USP34: variants seen among roughly 807,000 people sequenced by gnomAD.
USP34 encodes ubiquitin specific peptidase 34.
In USP34, 70 loss-of-function variants were observed where a neutral mutation model predicts 460.3. That is an observed-to-expected ratio of 0.15 (90% CI 0.13 to 0.19). USP34 has a LOEUF of 0.19. Among genes scored for constraint, USP34 ranks in the 10% least tolerant of loss-of-function variants. The pLI, the probability that USP34 is intolerant of heterozygous loss-of-function variation, is 1.00. For missense variants in USP34, 3,985 were observed against 4,236.2 expected (o/e 0.94, Z 1.65); for synonymous variants, 1,647 against 1,405.3 (o/e 1.17, Z -3.85).
chr2:61,190,702 G>GA (rs999537494), intron 76 of USP34, 44 bp from the exon 77 acceptor site: 2 of 1,562,050 alleles, frequency 1.3e-6, no homozygotes, highest in South Asian at 1.2e-5. Flanking sequence ...GTTGAGCACG[G>GA]AAAAAACTTA....
Position 61,228,660 on chromosome 2 carries a change from T to A in USP34, c.7428A>T (p.Thr2476=). The A allele has an allele frequency of 6.2e-7, 1 of 1,611,804 alleles. No individual in the cohort carries two copies. The highest frequency in any genetic ancestry group is 1.1e-5 in the South Asian group (1 of 90,358). The change falls in exon 61 of 80, where the codon ACA becomes ACT. Residue 2476 remains threonine, a synonymous_variant. Transcript: ENST00000398571. ...ISTMVHFYMG[T]KGPENPQVEV... ...CTGTACTTACATTTTCAGGTCCTTT[T>A]GTTCCCATGTAAAAATGTACCATTG... is the stretch of plus-strand genomic sequence containing the variant.
At chr2:61,277,972 C>T in intron 41 of USP34, 193 bp downstream of exon 41, 2 of 673,184 alleles carry the variant, frequency 3.0e-6, no homozygotes, top group South Asian at 4.9e-5. Context: ...CTTGCCCGGA[C>T]TTGCCTTCCG....
rs189995019 is a variant in USP34 at position 61,286,987 on chromosome 2, T to A, written c.4749+1690A>T. On this transcript the variant is annotated intron_variant, in intron 34 of 79. Coordinates refer to ENST00000398571, the MANE Select transcript of USP34 (RefSeq NM_014709.4). ...GAGCATTATTATAACCTGGAAAGTT[T>A]ATTCTGAAAAAAACATGACCAAAAC... Among the ~76,000 whole-genome samples, 373 of 152,318 alleles carry A rather than the reference T, an allele frequency of 2.4e-3. 2 individuals carry two copies. The highest frequency in any genetic ancestry group is 4.2e-3 in the Non-Finnish European group (289 of 68,020).
At chr2:61,421,392 T>C (rs1316589908) in intron 1 of USP34, among the ~76,000 whole-genome samples, 1 of 152,212 alleles carries the variant, frequency 6.6e-6, no homozygotes, top group Non-Finnish European at 1.5e-5. Flanking sequence ...ATGAGGAAGC[T>C]TGAGAACATT....
chr2:61,319,129 G>C (rs780530611), intron 22 of USP34, 44 bp downstream of exon 22: 1 of 1,502,600 alleles, frequency 6.7e-7, no homozygotes, highest in East Asian at 2.5e-5. Context: ...AGATGAAAAA[G>C]GGAACATGGA....
At chr2:61,410,557 C>T (rs1216125317) in intron 2 of USP34, among the ~76,000 whole-genome samples, 1 of 152,108 alleles carries the variant, frequency 6.6e-6, no homozygotes, top group Non-Finnish European at 1.5e-5. Flanking sequence ...ATCCATAATG[C>T]AAGGCGGAAA....
chr2:61,398,512 A>G (rs2103913088), intron 3 of USP34, among the ~76,000 whole-genome samples: 1 of 121,770 alleles, frequency 8.2e-6, no homozygotes, highest in Non-Finnish European at 1.7e-5. Context: ...GAAGCAGGGG[A>G]AGGAGGCGGA....
chr2:61,441,690 G>A (rs1315554218), intron 1 of USP34, among the ~76,000 whole-genome samples: 2 of 151,692 alleles, frequency 1.3e-5, no homozygotes, highest in Non-Finnish European at 2.9e-5. Flanking sequence ...TGTAGTCCCA[G>A]ATACTTGAGA....
At chr2:61,424,733 G>A (rs1230209508) in intron 1 of USP34, among the ~76,000 whole-genome samples, 1 of 152,088 alleles carries the variant, frequency 6.6e-6, no homozygotes, top group Admixed American at 6.5e-5. Flanking sequence ...AAGACCAACA[G>A]TAAATTTTAT....
intron 1 of USP34, among the ~76,000 whole-genome samples, chr2:61,460,792 G>A (rs976026985): frequency 1.3e-5 from 2 of 152,000 alleles, no homozygotes; most frequent in Admixed American, 6.6e-5. Flanking sequence ...AGACCATCCT[G>A]GCCAACATGG....
Position 61,293,216 on chromosome 2 carries a change from G to A in USP34, c.4548+248C>T, listed in dbSNP as rs533738676. Reference sequence around the variant, plus strand: ...TAATATATAATTTATCAACCTAAAGGAAACATGTTTATGAACTGGCCAGAG... The same window carrying A: ...TAATATATAATTTATCAACCTAAAGAAAACATGTTTATGAACTGGCCAGAG... On this transcript the variant is annotated intron_variant, in intron 33 of 79. Transcript: ENST00000398571. Among the ~76,000 whole-genome samples the A allele has an allele frequency of 2.1e-3, 325 of 151,894 alleles. 1 individual carries two copies. Among genetic ancestry groups the A allele is most frequent in the African/African-American group, 7.4e-3 (305 of 41,476 alleles).
At chr2:61,371,845 T>G (rs1179703185) in intron 8 of USP34, among the ~76,000 whole-genome samples, 1 of 152,174 alleles carries the variant, frequency 6.6e-6, no homozygotes, top group Non-Finnish European at 1.5e-5. Flanking sequence ...TTATTTTTTC[T>G]ACAGTTAGAT....
chr2:61,195,479 C>A (rs1054520267), intron 75 of USP34, among the ~76,000 whole-genome samples: 1 of 151,644 alleles, frequency 6.6e-6, no homozygotes, highest in Non-Finnish European at 1.5e-5. Context: ...CGAGACCAGC[C>A]TGACCAACAT....
At chr2:61,209,713 C>CA (rs1301011280) in intron 69 of USP34, among the ~76,000 whole-genome samples, 2 of 152,036 alleles carry the variant, frequency 1.3e-5, no homozygotes, top group Non-Finnish European at 2.9e-5. Context: ...CTACTTATTT[C>CA]AAAAAAAGTT....
At chr2:61,455,541 G>T (rs572942600) in intron 1 of USP34, among the ~76,000 whole-genome samples, 17 of 152,166 alleles carry the variant, frequency 1.1e-4, no homozygotes, top group Admixed American at 9.8e-4. Context: ...ATGAATCTGA[G>T]TCAGGAGGAT....
At chr2:61,247,998 C>A (rs998005655) in intron 49 of USP34, among the ~76,000 whole-genome samples, 2 of 151,984 alleles carry the variant, frequency 1.3e-5, no homozygotes, top group Non-Finnish European at 2.9e-5. Flanking sequence ...ACCAACCTAG[C>A]CAACACGGCG....
intron 23 of USP34, 37 bp downstream of exon 23, chr2:61,317,617 A>T: frequency 1.3e-6 from 2 of 1,522,918 alleles, no homozygotes; most frequent in Non-Finnish European, 1.8e-6. Context: ...TAATTTGAGG[A>T]ATAAAGTTGC....
chr2:61,250,404 C>T (rs954730831), intron 48 of USP34: 1 of 156,696 alleles, frequency 6.4e-6, no homozygotes, highest in Non-Finnish European at 1.4e-5. Context: ...TTACAACAAT[C>T]CTATAAGGAA....
chr2:61,266,238 C>T, intron 41 of USP34, 71 bp from the exon 42 acceptor site: 2 of 1,377,502 alleles, frequency 1.5e-6, no homozygotes, highest in Non-Finnish European at 2.0e-6. Context: ...TTAACATATA[C>T]ACAGGATGAC....
Sources: gnomAD v4.1 joint callset for allele counts (sites outside exome capture counted in the v4.1 genomes callset) on GRCh38, gnomAD v4.1.1 for gene constraint, MANE v1.5 for transcripts, NCBI Gene and HGNC (gene_info 2026-07-23, HGNC 2026-07-21) for gene names.